The following DNM3 variants were observed in gnomAD, a reference collection of about 807,000 sequenced individuals.
The protein encoded by DNM3 is dynamin 3.
Under a neutral mutation model 101.6 loss-of-function variants are expected in DNM3, and 47 were observed. The ratio of observed to expected loss-of-function variants is 0.46; its 90% CI spans 0.37 to 0.59. The LOEUF (loss-of-function observed/expected upper bound fraction) is 0.59, where lower values mean the gene tolerates loss of function less well. Ranked by LOEUF, DNM3 falls within the 20% of genes least tolerant of loss-of-function variation. The pLI, the probability that DNM3 is intolerant of heterozygous loss-of-function variation, is 0.00. For synonymous variants in DNM3, 385 were observed against 387.9 expected (o/e 0.99, Z 0.09); for missense variants, 849 against 1,085.7 (o/e 0.78, Z 3.06).
At position 172,408,418 on chromosome 1, in the gene DNM3, T is replaced by G; in HGVS notation, c.*577T>G. The G allele has an allele frequency of 3.0e-6, 3 of 985,882 alleles. No individual in the cohort carries two copies. Among genetic ancestry groups the G allele is most frequent in the Non-Finnish European group, 3.6e-6 (3 of 830,252 alleles). 61.1% of individuals were successfully genotyped at this position (985,882 alleles called of 1,614,324 possible). Reference sequence around the variant, plus strand: ...ACTTTTCCAGAAGCACGAGGTAGTTTGCAAAGGAAAAGTCTGCACTGTTTG... The same window carrying G: ...ACTTTTCCAGAAGCACGAGGTAGTTGGCAAAGGAAAAGTCTGCACTGTTTG... On this transcript the variant is annotated 3_prime_UTR_variant, in exon 21 of 21. Coordinates refer to ENST00000627582, the MANE Select transcript of DNM3 (RefSeq NM_015569.5).
chr1:172,028,384 A>G (rs2048360686), intron 4 of DNM3, among the ~76,000 whole-genome samples: 1 of 152,244 alleles, frequency 6.6e-6, no homozygotes, highest in African/African-American at 2.4e-5. Flanking sequence ...ATAAAGACAC[A>G]ACGTACCAGA....
At chr1:172,038,762 T>C (rs1008380057) in intron 7 of DNM3, among the ~76,000 whole-genome samples, 1 of 152,172 alleles carries the variant, frequency 6.6e-6, no homozygotes, top group African/African-American at 2.4e-5. Context: ...TCCCTTGTCT[T>C]AGAAGTGGGT....
At chr1:172,123,395 G>A (rs1230068441) in intron 13 of DNM3, among the ~76,000 whole-genome samples, 5 of 152,082 alleles carry the variant, frequency 3.3e-5, no homozygotes, top group African/African-American at 4.8e-5. Flanking sequence ...GTCACACCTG[G>A]GCATATTTGT....
chr1:172,171,381 A>G (rs532194), intron 14 of DNM3, among the ~76,000 whole-genome samples: 4,820 of 151,894 alleles, frequency 0.032, 258 homozygotes, highest in African/African-American at 0.11. Flanking sequence ...TGAATGCTGT[A>G]TGATAAAAGT....
chr1:172,281,497 C>CT (rs2063489658), intron 15 of DNM3, among the ~76,000 whole-genome samples: 1 of 152,138 alleles, frequency 6.6e-6, no homozygotes, highest in African/African-American at 2.4e-5. Flanking sequence ...ATATGGAGCT[C>CT]TAATAGAAGG....
At chr1:172,304,818 C>T (rs2757496) in intron 15 of DNM3, among the ~76,000 whole-genome samples, 48,588 of 151,940 alleles carry the variant, frequency 0.32, 8,240 homozygotes, top group African/African-American at 0.43. Flanking sequence ...GAAATAAAGA[C>T]GTTCTTTGAA....
At chr1:172,118,703 A>G (rs1166985740) in intron 13 of DNM3, among the ~76,000 whole-genome samples, 2 of 152,088 alleles carry the variant, frequency 1.3e-5, no homozygotes, top group African/African-American at 4.8e-5. Flanking sequence ...ATCTCCATCA[A>G]GCCACAGCAA....
At chr1:171,868,331 G>A (rs2034956929) in intron 1 of DNM3, among the ~76,000 whole-genome samples, 1 of 151,972 alleles carries the variant, frequency 6.6e-6, no homozygotes, top group Non-Finnish European at 1.5e-5. Context: ...CCTGCACACA[G>A]CTCCTGGCAT....
At chr1:172,380,794 G>A (rs1282801728) in intron 18 of DNM3, 2 of 150,834 alleles carry the variant, frequency 1.3e-5, no homozygotes, top group African/African-American at 4.9e-5. Flanking sequence ...GTATATCCAG[G>A]CACTTGCTTA....
chr1:171,915,304 G>A (rs1195376623), intron 1 of DNM3, among the ~76,000 whole-genome samples: 1 of 152,206 alleles, frequency 6.6e-6, no homozygotes, highest in Non-Finnish European at 1.5e-5. Flanking sequence ...TGGTAATGAT[G>A]TGATAGAACT....
At chr1:172,030,069 A>G (rs1361243973) in intron 4 of DNM3, among the ~76,000 whole-genome samples, 1 of 152,216 alleles carries the variant, frequency 6.6e-6, no homozygotes, top group African/African-American at 2.4e-5. Flanking sequence ...TAAATTTCAT[A>G]TGGAAACCAA....
At chr1:172,203,259 C>T (rs933690160) in intron 14 of DNM3, among the ~76,000 whole-genome samples, 9 of 152,102 alleles carry the variant, frequency 5.9e-5, no homozygotes, top group African/African-American at 2.2e-4. Context: ...CTGCTCTTTC[C>T]AGACGCTGTG....
intron 1 of DNM3, among the ~76,000 whole-genome samples, chr1:171,851,693 C>T (rs966557392): frequency 2.6e-5 from 4 of 152,202 alleles, no homozygotes; most frequent in Admixed American, 2.0e-4. Context: ...GGATTATAGG[C>T]GTGAGCCACT....
chr1:172,075,349 G>T (rs1456859923), intron 11 of DNM3, among the ~76,000 whole-genome samples: 1 of 152,058 alleles, frequency 6.6e-6, no homozygotes, highest in African/African-American at 2.4e-5. Context: ...GGCTTTTGTT[G>T]CCATTGCTTT....
intron 14 of DNM3, among the ~76,000 whole-genome samples, chr1:172,196,299 A>G (rs899608912): frequency 1.3e-5 from 2 of 151,674 alleles, no homozygotes; most frequent in Admixed American, 6.6e-5. Context: ...TTAACCAATC[A>G]TTTGTCATTG....
chr1:172,196,962 T>C (rs1336259601), intron 14 of DNM3, among the ~76,000 whole-genome samples: 3 of 152,182 alleles, frequency 2.0e-5, no homozygotes, highest in South Asian at 4.1e-4. Context: ...TTTTGGTGTC[T>C]TAGTTGTAAA....
chr1:171,853,943 A>AT (rs1388976472), intron 1 of DNM3, among the ~76,000 whole-genome samples: 2 of 152,080 alleles, frequency 1.3e-5, no homozygotes, highest in Non-Finnish European at 2.9e-5. Flanking sequence ...TATTCACCTC[A>AT]TTTTTTTCAT....
chr1:172,231,214 T>G (rs2061324807), intron 14 of DNM3, among the ~76,000 whole-genome samples: 1 of 144,136 alleles, frequency 6.9e-6, no homozygotes, highest in South Asian at 2.6e-4. Flanking sequence ...GCACCCCCAG[T>G]AGGGGCAGAC....
intron 2 of DNM3, among the ~76,000 whole-genome samples, chr1:171,933,992 A>T (rs188632274): frequency 1.4e-4 from 21 of 152,316 alleles, no homozygotes; most frequent in Admixed American, 5.9e-4. Context: ...GTATTTGCTG[A>T]TAGTAATCAT....
Sources: gnomAD v4.1 joint callset for allele counts (sites outside exome capture counted in the v4.1 genomes callset) on GRCh38, gnomAD v4.1.1 for gene constraint, MANE v1.5 for transcripts, NCBI Gene and HGNC (gene_info 2026-07-23, HGNC 2026-07-21) for gene names.